KCND2: variants seen among roughly 807,000 people sequenced by gnomAD.
KCND2 encodes the protein potassium voltage-gated channel subfamily D member 2.
KCND2 carries 16 observed loss-of-function variants against 54.4 expected under a neutral mutation model. The observed-to-expected ratio is 0.29, with a 90% CI of 0.20 to 0.45. The LOEUF (loss-of-function observed/expected upper bound fraction) is 0.45. KCND2 is among the 20% of genes least tolerant of loss of function. The pLI is 1.00. For synonymous variants in KCND2, 317 were observed against 310.7 expected, an observed-to-expected ratio of 1.02 and a Z score of -0.21; for missense variants, 486 against 824.2, an observed-to-expected ratio of 0.59 and a Z score of 5.02.
intron 1 of KCND2, among the ~76,000 whole-genome samples, chr7:120,512,466 A>G (rs927701452): frequency 1.3e-5 from 2 of 152,006 alleles, no homozygotes; most frequent in African/African-American, 4.8e-5. Context: ...GCATCACATC[A>G]ACTTCTCCTA....
At chr7:120,331,177 T>C (rs539701798) in intron 1 of KCND2, among the ~76,000 whole-genome samples, 30 of 152,168 alleles carry the variant, frequency 2.0e-4, no homozygotes, top group Non-Finnish European at 3.4e-4. Context: ...TTTAACCATA[T>C]GTTCCATTCC....
At chr7:120,411,532 A>G (rs1274361697) in intron 1 of KCND2, among the ~76,000 whole-genome samples, 1 of 151,792 alleles carries the variant, frequency 6.6e-6, no homozygotes, top group Non-Finnish European at 1.5e-5. Context: ...TGAGAGCCTG[A>G]TATCAGGGCA....
At chr7:120,486,060 AC>A (rs1221736513) in intron 1 of KCND2, among the ~76,000 whole-genome samples, 5 of 152,186 alleles carry the variant, frequency 3.3e-5, no homozygotes, top group Non-Finnish European at 7.3e-5. Context: ...TGAAAACTAT[AC>A]CTCATATATT....
chr7:120,559,048 T>A (rs1461489103), intron 1 of KCND2, among the ~76,000 whole-genome samples: 1 of 151,774 alleles, frequency 6.6e-6, no homozygotes, highest in East Asian at 1.9e-4. Flanking sequence ...TATGTGTACG[T>A]GCATGTATGT....
chr7:120,297,737 T>C (rs1367636915), intron 1 of KCND2, among the ~76,000 whole-genome samples: 1 of 152,174 alleles, frequency 6.6e-6, no homozygotes, highest in African/African-American at 2.4e-5. Context: ...CAAATGGCTG[T>C]GATTTCTCAT....
intron 1 of KCND2, among the ~76,000 whole-genome samples, chr7:120,484,707 A>G (rs1032310250): frequency 7.7e-5 from 11 of 142,346 alleles, no homozygotes; most frequent in Admixed American, 6.2e-4. Context: ...ACACGCACAC[A>G]CACACACACA....
At chr7:120,432,280 C>A (rs557948995) in intron 1 of KCND2, among the ~76,000 whole-genome samples, 52 of 152,170 alleles carry the variant, frequency 3.4e-4, no homozygotes, top group Non-Finnish European at 4.4e-5. Flanking sequence ...CCCAGAATGA[C>A]ACCTTGTGTT....
At chr7:120,415,893 A>G (rs1028006061) in intron 1 of KCND2, among the ~76,000 whole-genome samples, 31 of 152,308 alleles carry the variant, frequency 2.0e-4, no homozygotes, top group African/African-American at 7.2e-4. Flanking sequence ...AAAGAAAGGG[A>G]CAGGCATCCA....
chr7:120,536,666 A>G (rs976611435), intron 1 of KCND2, among the ~76,000 whole-genome samples: 3 of 152,168 alleles, frequency 2.0e-5, no homozygotes, highest in East Asian at 1.9e-4. Context: ...ATCAATAAAA[A>G]GCACATCCTC....
intron 1 of KCND2, among the ~76,000 whole-genome samples, chr7:120,704,751 T>C (rs1792445474): frequency 6.6e-6 from 1 of 152,176 alleles, no homozygotes; most frequent in African/African-American, 2.4e-5. Flanking sequence ...AAAATCCTGT[T>C]TTGCCTTTTA....
chr7:120,694,024 G>T (rs565906137), intron 1 of KCND2, among the ~76,000 whole-genome samples: 4 of 152,322 alleles, frequency 2.6e-5, no homozygotes, highest in African/African-American at 4.8e-5. Flanking sequence ...AGCCCAAGAA[G>T]TTGAGGCTGC....
At chr7:120,343,934 AC>A (rs869058915) in intron 1 of KCND2, among the ~76,000 whole-genome samples, 10 of 73,432 alleles carry the variant, frequency 1.4e-4, no homozygotes, top group Non-Finnish European at 3.9e-4. Flanking sequence ...TCTAGACATC[AC>A]TGATAGATCC....
At chr7:120,431,899 GT>G (rs1801793454) in intron 1 of KCND2, among the ~76,000 whole-genome samples, 1 of 151,828 alleles carries the variant, frequency 6.6e-6, no homozygotes, top group Admixed American at 6.6e-5. Flanking sequence ...ATACTCTACT[GT>G]TTCTGAAACC....
At chr7:120,730,222 T>TGC (rs1792787710) in intron 1 of KCND2, among the ~76,000 whole-genome samples, 2 of 151,868 alleles carry the variant, frequency 1.3e-5, no homozygotes, top group Non-Finnish European at 2.9e-5. Flanking sequence ...TTAAAAGCCG[T>TGC]GTGTGTGTGT....
rs768647536 is a variant in KCND2, at chr7:120,275,259, C to T, written c.627C>T (p.Cys209=). The T allele has an allele frequency of 6.8e-6, 11 of 1,613,716 alleles. No homozygotes were observed. Among genetic ancestry groups the T allele is most frequent in the Non-Finnish European group, 8.5e-6 (10 of 1,179,992 alleles). Residue 209 remains cysteine (C), a synonymous_variant, in exon 1 of 6, where the codon TGC becomes TGT. Transcript: ENST00000331113. ...VIANVVETVP[C]GSSPGHIKEL... ...CGAATGTGGTGGAAACAGTGCCGTGCGGATCAAGCCCAGGTCACATTAAAG... is the reference window on the plus strand; with the variant it reads ...CGAATGTGGTGGAAACAGTGCCGTGTGGATCAAGCCCAGGTCACATTAAAG...
chr7:120,678,850 T>C (rs919266378), intron 1 of KCND2, among the ~76,000 whole-genome samples: 2 of 150,522 alleles, frequency 1.3e-5, no homozygotes, highest in Non-Finnish European at 3.0e-5. Context: ...GCTTGAGTTG[T>C]GTATATGTTT....
intron 1 of KCND2, among the ~76,000 whole-genome samples, chr7:120,545,594 A>G (rs1792032970): frequency 6.6e-6 from 1 of 151,848 alleles, no homozygotes; most frequent in Admixed American, 6.6e-5. Flanking sequence ...ATATAAATAA[A>G]ACTTTTTTCA....
At chr7:120,516,689 AT>A (rs1472403411) in intron 1 of KCND2, among the ~76,000 whole-genome samples, 2 of 152,268 alleles carry the variant, frequency 1.3e-5, no homozygotes, top group African/African-American at 4.8e-5. Flanking sequence ...AACTCCGTTA[AT>A]AAAAATTTCC....
At chr7:120,467,252 G>A (rs957432114) in intron 1 of KCND2, among the ~76,000 whole-genome samples, 23 of 152,192 alleles carry the variant, frequency 1.5e-4, no homozygotes, top group Admixed American at 9.8e-4. Context: ...AGACTTGGAC[G>A]ACATTTCAAC....
Sources: allele counts gnomAD v4.1 joint callset (sites outside exome capture counted in the v4.1 genomes callset), GRCh38; gene constraint gnomAD v4.1.1; transcripts MANE v1.5; gene names NCBI Gene and HGNC (gene_info 2026-07-23, HGNC 2026-07-21).